CLSTN3: variants seen among roughly 807,000 people sequenced by gnomAD.
The protein encoded by CLSTN3 is calsyntenin-3.
A neutral mutation model predicts 95.9 loss-of-function variants in CLSTN3; 36 were observed. The observed-to-expected ratio is 0.38, with a 90% confidence interval of 0.29 to 0.50. The LOEUF is 0.50. Among genes scored for constraint, CLSTN3 ranks in the 20% least tolerant of loss-of-function variants. The pLI, the probability that CLSTN3 is intolerant of heterozygous loss-of-function variation, is 0.95. For synonymous variants in CLSTN3, 481 were observed against 504.0 expected, an observed-to-expected ratio of 0.95 and a Z score of 0.61; for missense variants, 1,084 against 1,268.8, an observed-to-expected ratio of 0.85 and a Z score of 2.21.
At chr12:7,145,537 T>C (rs1365466355) in intron 12 of CLSTN3, among the ~76,000 whole-genome samples, 1 of 152,152 alleles carries the variant, frequency 6.6e-6, no homozygotes, top group Non-Finnish European at 1.5e-5. Context: ...ATTTGGTCAA[T>C]GCCTAAATGC....
rs1000670307 is a variant in CLSTN3 at position 7,133,265 on chromosome 12, G to A, written c.187+119G>A. The A allele has an allele frequency of 3.3e-5, 44 of 1,351,508 alleles. No homozygotes were observed. The highest frequency in any genetic ancestry group is 4.1e-5 in the Non-Finnish European group (40 of 984,096). The allele number at this position is 1,351,508 out of a possible 1,614,324, so 83.7% of individuals were successfully genotyped here. On this transcript the variant is annotated intron_variant, in intron 2 of 17. Coordinates refer to ENST00000266546, the MANE Select transcript of CLSTN3 (RefSeq NM_014718.4). The surrounding 1 kb of genome is among the most constrained non-coding windows in gnomAD (Gnocchi z 4.7). ...GATGAGAAAGTAAGGGAAGATAAAA[G>A]TGGGCTCAAGGAGGGGAATGGTCTC... is the stretch of plus-strand genomic sequence containing the variant.
intron 12 of CLSTN3, among the ~76,000 whole-genome samples, chr12:7,146,012 C>T (rs1939616933): frequency 6.6e-6 from 1 of 152,224 alleles, no homozygotes; most frequent in African/African-American, 2.4e-5. Context: ...TGCCTCCTAA[C>T]TAGCTGACCT....
intron 16 of CLSTN3, among the ~76,000 whole-genome samples, chr12:7,155,666 C>T (rs1036598148): frequency 4.6e-5 from 7 of 152,254 alleles, no homozygotes; most frequent in Non-Finnish European, 4.4e-5. Context: ...CCTCCCTTAT[C>T]CCCCGTTCCC....
rs1939418634 is a variant in CLSTN3, at chr12:7,136,275, A to G, written c.812A>G (p.Glu271Gly). The G allele has an allele frequency of 1.9e-6, 3 of 1,614,096 alleles. No homozygotes were observed. The highest frequency in any genetic ancestry group is 1.1e-5 in the South Asian group (1 of 91,088). ...GCTTTGTTCCCTGGTATCCGCCTGG[A>G]GACCTGTGATGAACCACTCTGGAAC... ...SLALFPGIRL[E>G]TCDEPLWNIQ... Residue 271 changes from glutamate to glycine, a missense_variant, in exon 6 of 18, where the codon GAG becomes GGG. Transcript: ENST00000266546.
At position 7,135,917 on chromosome 12, in the gene CLSTN3, A is replaced by T. The variant is rs1192997366; in HGVS notation, c.706A>T (p.Ile236Phe). 6.2e-7 allele frequency: 1 copy of T among 1,613,570 alleles called. No individual in the cohort carries two copies. The highest frequency in any genetic ancestry group is 8.5e-7 in the Non-Finnish European group (1 of 1,179,700). ...GGCAGCAGATGATGCTGAGGTGGAGATTCAGGTGAAGCCCACCTGTAAACC... is the reference window on the plus strand; with the variant it reads ...GGCAGCAGATGATGCTGAGGTGGAGTTTCAGGTGAAGCCCACCTGTAAACC... The part of the protein sequence containing the change: ...KRAADDAEVE[I>F]QVKPTCKPSW... The change falls in exon 5 of 18, where the codon ATT becomes TTT. Residue 236 changes from isoleucine (I) to phenylalanine (F), a missense_variant. Coordinates refer to ENST00000266546, the MANE Select transcript of CLSTN3 (RefSeq NM_014718.4).
chr12:7,143,062 A>G lies in CLSTN3; in HGVS notation c.1698+36A>G, dbSNP rs374217020. On this transcript the variant is annotated intron_variant, in intron 11 of 17. Transcript: ENST00000266546. ...ATCCTCTAGCCCTGTTCTTCCCAGC[A>G]TGCCCCTTGCCCCACCCCCTTGCCC... 1.8e-5 allele frequency: 29 copies of G among 1,601,502 alleles called. No homozygotes were observed. The African/African-American group carries it at 3.7e-4, about 21-fold the overall frequency.
intron 12 of CLSTN3, among the ~76,000 whole-genome samples, chr12:7,146,520 C>T (rs1198707124): frequency 1.3e-5 from 2 of 152,162 alleles, no homozygotes; most frequent in African/African-American, 2.4e-5. Context: ...AAGCTTCTCG[C>T]CATCCACTCT....
intron 1 of CLSTN3, chr12:7,130,999 C>T: frequency 1.9e-6 from 1 of 532,236 alleles, no homozygotes. Flanking sequence ...CTCCCCTTCC[C>T]CTAATTTCTA....
rs1485277596 is a variant in CLSTN3, at chr12:7,133,379, G to A, written c.188-194G>A. On this transcript the variant is annotated intron_variant, in intron 2 of 17. Coordinates refer to ENST00000266546, the MANE Select transcript of CLSTN3 (RefSeq NM_014718.4). This position sits in a 1 kb window ranked among gnomAD's most constrained non-coding sequence, Gnocchi z 4.7. ...ACATCATGATTTTGTCAGATCTCAG[G>A]TCTGGAGGCTCTGGGAGGTTGCTGC... Among the ~76,000 whole-genome samples, 1 of 152,200 alleles carries A rather than the reference G, an allele frequency of 6.6e-6. No individual in the cohort carries two copies. Among genetic ancestry groups the A allele is most frequent in the East Asian group, 1.9e-4 (1 of 5,194 alleles).
Position 7,136,988 on chromosome 12 carries a change from G to T in CLSTN3, c.1088G>T (p.Gly363Val), listed in dbSNP as rs747899801. The change falls in exon 7 of 18, where the codon GGC becomes GTC. Residue 363 changes from glycine (G) to valine (V), a missense_variant. Gly to Val is a moderately radical substitution (Grantham distance 109, BLOSUM62 -3). Transcript: ENST00000266546. ...QVPLGGPSGL[G>V]SGPQDSLSDH... The stretch of plus-strand genomic sequence containing the variant: ...CCCCTGGGTGGCCCCAGTGGGCTGG[G>T]CTCTGGGCCCCAGGACAGCCTCAGT... 6.2e-7 allele frequency: 1 copy of T among 1,614,194 alleles called. No homozygotes were observed. Among genetic ancestry groups the T allele is most frequent in the East Asian group, 2.2e-5 (1 of 44,874 alleles).
intron 4 of CLSTN3, 35 bp from the exon 5 acceptor site, chr12:7,135,769 T>C: frequency 6.4e-7 from 1 of 1,561,600 alleles, no homozygotes; most frequent in Non-Finnish European, 8.7e-7. Flanking sequence ...CTTTCTCCAA[T>C]GCTCTAATGC....
In CLSTN3 at chr12:7,150,589, G is replaced by T. The variant is rs769889487; in HGVS notation, c.2291G>T (p.Arg764Leu). Residue 764 changes from arginine (R) to leucine (L), a missense_variant, in exon 15 of 18, where the codon CGT becomes CTT. Transcript: ENST00000266546. The surrounding 1 kb of genome is among the most constrained non-coding windows in gnomAD (Gnocchi z 4.0). Reference protein sequence around the residue: ...TVYEEILRQARYRLRHGAALY... With the variant: ...TVYEEILRQALYRLRHGAALY... Reference sequence around the variant, plus strand: ...TATGAAGAGATCCTGAGGCAGGCTCGTTATCGGCTGCGACACGGAGCTGCC... The same window carrying T: ...TATGAAGAGATCCTGAGGCAGGCTCTTTATCGGCTGCGACACGGAGCTGCC... 1.2e-6 allele frequency: 2 copies of T among 1,613,928 alleles called. No individual in the cohort carries two copies. The highest frequency in any genetic ancestry group is 2.2e-5 in the East Asian group (1 of 44,840).
chr12:7,133,637 G>C lies in CLSTN3; in HGVS notation c.252G>C (p.Lys84Asn), dbSNP rs1215536818. 6.2e-7 allele frequency: 1 copy of C among 1,614,140 alleles called. No individual in the cohort carries two copies. Among genetic ancestry groups the C allele is most frequent in the Non-Finnish European group, 8.5e-7 (1 of 1,180,002 alleles). Reference sequence around the variant, plus strand: ...CCTTTGAGGCTGTGATCCTTGACAAGGCGACAGGAGAGGGGCTGATCCGGG... The same window carrying C: ...CCTTTGAGGCTGTGATCCTTGACAACGCGACAGGAGAGGGGCTGATCCGGG... Reference protein sequence around the residue: ...GVPFEAVILDKATGEGLIRAK... With the variant: ...GVPFEAVILDNATGEGLIRAK... The change falls in exon 3 of 18, where the codon AAG becomes AAC. Residue 84 changes from lysine to asparagine, a missense_variant. Coordinates refer to ENST00000266546, the MANE Select transcript of CLSTN3 (RefSeq NM_014718.4). The surrounding 1 kb of genome is among the most constrained non-coding windows in gnomAD (Gnocchi z 4.7).
At chr12:7,136,002 G>C (rs766057971) in intron 5 of CLSTN3, 49 bp downstream of exon 5, 7 of 1,561,318 alleles carry the variant, frequency 4.5e-6, no homozygotes, top group Admixed American at 1.9e-5. Context: ...TTTTTTCTTG[G>C]TCTCTCTTTC....
rs1939565899 is a variant in CLSTN3 at position 7,143,306 on chromosome 12, T to C, written c.1842T>C (p.Ala614=). ...TCAGGCCCCTGCGCCTCACCACTGC[T>C]GTCAAGTGAGTGTTGGGTGGGGCAG... ...PGVRPLRLTT[A]VKCFSEESCV... The change falls in exon 12 of 18, where the codon GCT becomes GCC. Residue 614 remains alanine (A), a synonymous_variant. Transcript: ENST00000266546. 1 of 1,608,348 alleles carries C rather than the reference T, an allele frequency of 6.2e-7. No individual in the cohort carries two copies.
chr12:7,143,394 C>A, intron 12 of CLSTN3, 83 bp downstream of exon 12: 2 of 1,445,750 alleles, frequency 1.4e-6, no homozygotes, highest in South Asian at 1.3e-5. Context: ...TCACCTAGAG[C>A]TAGGCATACC....
rs1166602390 is a variant in CLSTN3, at chr12:7,150,893, A to C, written c.2392-35A>C. 2 of 1,555,276 alleles carry C rather than the reference A, an allele frequency of 1.3e-6. No homozygotes were observed. The highest frequency in any genetic ancestry group is 1.7e-6 in the Non-Finnish European group (2 of 1,145,316). On this transcript the variant is annotated intron_variant, in intron 15 of 17. Coordinates refer to ENST00000266546, the MANE Select transcript of CLSTN3 (RefSeq NM_014718.4). The surrounding 1 kb of genome is among the most constrained non-coding windows in gnomAD (Gnocchi z 4.0). ...AGAGAAGTGGGGAGGACCTGGGAGAAGCGTGTGTGCCCATGGAGCCCTCCC... is the reference window on the plus strand; with the variant it reads ...AGAGAAGTGGGGAGGACCTGGGAGACGCGTGTGTGCCCATGGAGCCCTCCC...
At chr12:7,134,256 G>C (rs890892207) in intron 3 of CLSTN3, among the ~76,000 whole-genome samples, 1 of 152,194 alleles carries the variant, frequency 6.6e-6, no homozygotes, top group African/African-American at 2.4e-5. Flanking sequence ...TCTATTTGCA[G>C]TGTATACCAC....
chr12:7,153,701 A>G (rs1939765562), intron 16 of CLSTN3, among the ~76,000 whole-genome samples: 1 of 152,060 alleles, frequency 6.6e-6, no homozygotes, highest in Non-Finnish European at 1.5e-5. Flanking sequence ...ATTCCACTCA[A>G]TCTTTTCTGG....
Sources: gnomAD v4.1 joint callset for allele counts (sites outside exome capture counted in the v4.1 genomes callset) on GRCh38, gnomAD v4.1.1 for gene constraint, Gnocchi (gnomAD v3.1) non-coding constraint, MANE v1.5 for transcripts, NCBI Gene and HGNC (gene_info 2026-07-23, HGNC 2026-07-21) for gene names.